Variants in KLHL1 observed in about 807,000 individuals in gnomAD.
KLHL1 encodes the protein kelch-like protein 1.
Under a neutral mutation model 77.7 loss-of-function variants are expected in KLHL1, and 47 were observed. That is an observed-to-expected ratio of 0.60 (90% CI 0.48 to 0.77). The LOEUF is 0.77. Ranked by LOEUF, KLHL1 falls within the 30% of genes least tolerant of loss-of-function variation. The pLI is 0.00. For synonymous variants in KLHL1, 360 were observed against 325.2 expected (o/e 1.11, Z -1.15); for missense variants, 925 against 910.8 (o/e 1.02, Z -0.20).
chr13:70,026,746 G>C (rs1002039936), intron 1 of KLHL1, among the ~76,000 whole-genome samples: 1 of 151,228 alleles, frequency 6.6e-6, no homozygotes, highest in East Asian at 1.9e-4. Context: ...GTGTGTGTAA[G>C]AGGGAGAGAG....
At chr13:69,780,694 A>G (rs1452795163) in intron 7 of KLHL1, among the ~76,000 whole-genome samples, 1 of 17,148 alleles carries the variant, frequency 5.8e-5, no homozygotes, top group Non-Finnish European at 9.8e-5. Flanking sequence ...TCATATATAT[A>G]TATATATGTA....
At chr13:69,958,376 T>C (rs531556198) in intron 3 of KLHL1, among the ~76,000 whole-genome samples, 3 of 151,954 alleles carry the variant, frequency 2.0e-5, no homozygotes, top group Middle Eastern at 3.4e-3. Context: ...GAGTTCAACA[T>C]GGAGAGTGTT....
chr13:69,982,469 AT>A (rs1566470945), intron 1 of KLHL1, among the ~76,000 whole-genome samples: 57 of 138,264 alleles, frequency 4.1e-4, no homozygotes, highest in African/African-American at 1.7e-3. Context: ...AATAATAATA[AT>A]AATAATAATA....
At chr13:69,903,702 T>C (rs1360322222) in intron 4 of KLHL1, among the ~76,000 whole-genome samples, 9 of 128,446 alleles carry the variant, frequency 7.0e-5, no homozygotes, top group Non-Finnish European at 1.1e-4. Context: ...AGTGCAGTAG[T>C]GGAATCTCGG....
intron 7 of KLHL1, among the ~76,000 whole-genome samples, chr13:69,769,093 A>G (rs1875443979): frequency 6.6e-6 from 1 of 152,210 alleles, no homozygotes; most frequent in Non-Finnish European, 1.5e-5. Flanking sequence ...CTGTACTATA[A>G]CATACCCACT....
At chr13:70,097,424 A>G (rs879012253) in intron 1 of KLHL1, among the ~76,000 whole-genome samples, 1 of 152,036 alleles carries the variant, frequency 6.6e-6, no homozygotes, top group Admixed American at 6.6e-5. Context: ...TGTAATAAAC[A>G]GTAAAGAAAA....
chr13:69,827,100 T>TTTTGAAAAC (rs1196133514), intron 6 of KLHL1, among the ~76,000 whole-genome samples: 1 of 151,608 alleles, frequency 6.6e-6, no homozygotes, highest in African/African-American at 2.4e-5. Context: ...TTTGAAAACA[T>TTTTGAAAAC]GTTATTAAAA....
chr13:70,024,098 G>T (rs9634965), intron 1 of KLHL1, among the ~76,000 whole-genome samples: 33,921 of 151,710 alleles, frequency 0.22, 4,217 homozygotes, highest in African/African-American at 0.34. Flanking sequence ...GATCAGAGGA[G>T]ATCGGGCACA....
rs41283966 is a variant in KLHL1 at position 69,700,962 on chromosome 13, C to A, written c.*740G>T. On this transcript the variant is annotated 3_prime_UTR_variant, in exon 11 of 11. Coordinates refer to ENST00000377844, the MANE Select transcript of KLHL1 (RefSeq NM_020866.3). Reference sequence around the variant, plus strand: ...AGGCAAAAGCCCAATAATTACACTGCATCTTTGGCTCAGTGTGTTAAAAAA... The same window carrying A: ...AGGCAAAAGCCCAATAATTACACTGAATCTTTGGCTCAGTGTGTTAAAAAA... 17,663 of 152,306 alleles carry A rather than the reference C, an allele frequency of 0.12. 1,697 individuals carry two copies. The highest frequency in any genetic ancestry group is 0.27 in the African/African-American group (11,077 of 41,434). The allele number at this position is 152,306 out of a possible 1,614,324, so 9.4% of individuals were successfully genotyped here. A position where few individuals can be genotyped will look rare whatever the true frequency, so the allele number is the denominator to read the frequency against.
At chr13:69,747,041 A>G (rs1417753834) in intron 7 of KLHL1, among the ~76,000 whole-genome samples, 2 of 152,072 alleles carry the variant, frequency 1.3e-5, no homozygotes, top group Non-Finnish European at 2.9e-5. Flanking sequence ...TTTCTCCAGA[A>G]ATGCATGGAG....
intron 5 of KLHL1, among the ~76,000 whole-genome samples, chr13:69,878,283 A>C (rs988100625): frequency 6.6e-6 from 1 of 151,990 alleles, no homozygotes; most frequent in African/African-American, 2.4e-5. Flanking sequence ...ATATCTTTTA[A>C]AATCTTCTTT....
At chr13:70,029,487 C>T (rs1886038955) in intron 1 of KLHL1, among the ~76,000 whole-genome samples, 2 of 152,146 alleles carry the variant, frequency 1.3e-5, no homozygotes, top group Admixed American at 6.5e-5. Context: ...CCAAGAATTT[C>T]ATATCCAGCC....
chr13:69,868,416 CA>C (rs112652363), intron 5 of KLHL1, among the ~76,000 whole-genome samples: 5,938 of 151,928 alleles, frequency 0.039, 381 homozygotes, highest in African/African-American at 0.13. Flanking sequence ...CATGGACATA[CA>C]TTTTTTTAGA....
Position 69,701,485 on chromosome 13 carries a change from A to G in KLHL1, c.*217T>C. On this transcript the variant is annotated 3_prime_UTR_variant, in exon 11 of 11. Coordinates refer to ENST00000377844, the MANE Select transcript of KLHL1 (RefSeq NM_020866.3). ...ATTACCAATAACCATTCCCGAACTA[A>G]CTAACATATGGCCAGACATTTTTCC... 3 of 474,608 alleles carry G rather than the reference A, an allele frequency of 6.3e-6. No homozygotes were observed. The highest frequency in any genetic ancestry group is 1.1e-5 in the Non-Finnish European group (3 of 265,790). 29.4% of individuals were successfully genotyped at this position (474,608 alleles called of 1,614,324 possible). A position where few individuals can be genotyped will look rare whatever the true frequency, so the allele number is the denominator to read the frequency against.
intron 5 of KLHL1, among the ~76,000 whole-genome samples, chr13:69,840,146 T>C (rs966815820): frequency 1.3e-5 from 2 of 152,066 alleles, no homozygotes; most frequent in Non-Finnish European, 2.9e-5. Flanking sequence ...AATTATGACT[T>C]TAATTAAAAT....
At chr13:69,944,751 A>T (rs1035701185) in intron 3 of KLHL1, among the ~76,000 whole-genome samples, 4 of 152,228 alleles carry the variant, frequency 2.6e-5, no homozygotes, top group South Asian at 2.1e-4. Flanking sequence ...GACCTATATA[A>T]TCCAAACAAT....
At chr13:70,059,334 G>T (rs547627557) in intron 1 of KLHL1, among the ~76,000 whole-genome samples, 11 of 151,840 alleles carry the variant, frequency 7.2e-5, no homozygotes, top group East Asian at 5.8e-4. Context: ...ATTGTTTTTG[G>T]TTTTTTCAAT....
intron 7 of KLHL1, among the ~76,000 whole-genome samples, chr13:69,789,458 A>AAAGTG (rs1209759405): frequency 1.3e-5 from 2 of 152,156 alleles, no homozygotes; most frequent in Non-Finnish European, 2.9e-5. Flanking sequence ...TTTTCCTTGT[A>AAAGTG]ACGTGATGTG....
chr13:69,811,534 C>T (rs1381733910), intron 6 of KLHL1, among the ~76,000 whole-genome samples: 2 of 152,068 alleles, frequency 1.3e-5, no homozygotes, highest in Non-Finnish European at 2.9e-5. Flanking sequence ...ACTGAATATG[C>T]AGAAGCTTAA....
Sources: gnomAD v4.1 joint callset for allele counts (sites outside exome capture counted in the v4.1 genomes callset) on GRCh38, gnomAD v4.1.1 for gene constraint, MANE v1.5 for transcripts, NCBI Gene and HGNC (gene_info 2026-07-23, HGNC 2026-07-21) for gene names.